The following ADGRL3 variants were observed in gnomAD, a reference collection of about 807,000 sequenced individuals.
ADGRL3 encodes the protein adhesion G protein-coupled receptor L3.
Under a neutral mutation model 153.5 loss-of-function variants are expected in ADGRL3, and 62 were observed. The observed-to-expected ratio is 0.40, with a 90% CI of 0.33 to 0.50. The LOEUF (loss-of-function observed/expected upper bound fraction) is 0.50, where lower values mean the gene tolerates loss of function less well. Among genes scored for constraint, ADGRL3 ranks in the 20% least tolerant of loss-of-function variants. The pLI is 0.47. For missense variants in ADGRL3, 1,641 were observed against 1,859.4 expected, an observed-to-expected ratio of 0.88 and a Z score of 2.16; for synonymous variants, 710 against 672.5, an observed-to-expected ratio of 1.06 and a Z score of -0.86.
chr4:61,601,791 G>A (rs1671467693), intron 5 of ADGRL3, among the ~76,000 whole-genome samples: 1 of 152,088 alleles, frequency 6.6e-6, no homozygotes, highest in Non-Finnish European at 1.5e-5. Context: ...GAGGTTCATG[G>A]AGAAATAAAA....
chr4:61,770,031 A>C (rs1005990705), intron 8 of ADGRL3, among the ~76,000 whole-genome samples: 9 of 152,222 alleles, frequency 5.9e-5, no homozygotes, highest in African/African-American at 2.2e-4. Flanking sequence ...TGACACAAGT[A>C]AACCTAAATA....
At chr4:61,810,121 GA>G (rs2148568413) in intron 8 of ADGRL3, among the ~76,000 whole-genome samples, 1 of 152,110 alleles carries the variant, frequency 6.6e-6, no homozygotes, top group African/African-American at 2.4e-5. Context: ...GCGTTATGGG[GA>G]AAAATGTACA....
chr4:62,068,833 A>C (rs1744385128), intron 26 of ADGRL3, among the ~76,000 whole-genome samples: 1 of 152,194 alleles, frequency 6.6e-6, no homozygotes, highest in African/African-American at 2.4e-5. Context: ...TTACTTGAAT[A>C]CACAGTATGC....
chr4:61,652,997 A>G (rs1047873226), intron 5 of ADGRL3, among the ~76,000 whole-genome samples: 1 of 152,056 alleles, frequency 6.6e-6, no homozygotes, highest in Non-Finnish European at 1.5e-5. Context: ...ATGTTGAAAC[A>G]CTAAACCCCA....
intron 1 of ADGRL3, among the ~76,000 whole-genome samples, chr4:61,363,118 A>G (rs1237362184): frequency 6.6e-6 from 1 of 152,190 alleles, no homozygotes; most frequent in Admixed American, 6.5e-5. Flanking sequence ...CTTTACATTG[A>G]ATAGACTGTG....
At chr4:61,668,978 C>T (rs952563613) in intron 5 of ADGRL3, among the ~76,000 whole-genome samples, 3 of 152,112 alleles carry the variant, frequency 2.0e-5, no homozygotes, top group Admixed American at 2.0e-4. Flanking sequence ...AAGATCATAC[C>T]ACTGCACTCC....
At chr4:61,330,886 C>A (rs1488579533) in intron 1 of ADGRL3, among the ~76,000 whole-genome samples, 1 of 152,146 alleles carries the variant, frequency 6.6e-6, no homozygotes, top group African/African-American at 2.4e-5. Context: ...TTTAGCTAGA[C>A]ACAAAAGTTC....
intron 8 of ADGRL3, among the ~76,000 whole-genome samples, chr4:61,778,462 G>T (rs2097177955): frequency 6.6e-6 from 1 of 152,134 alleles, no homozygotes; most frequent in Non-Finnish European, 1.5e-5. Flanking sequence ...TGCCAACATT[G>T]AATTTGAATA....
chr4:62,019,563 G>A (rs2099228414), intron 21 of ADGRL3, among the ~76,000 whole-genome samples: 1 of 151,728 alleles, frequency 6.6e-6, no homozygotes, highest in South Asian at 2.1e-4. Flanking sequence ...TTTTCTCATT[G>A]ACTTTTTTAA....
At chr4:61,278,876 G>A (rs934037147) in intron 1 of ADGRL3, among the ~76,000 whole-genome samples, 5 of 152,086 alleles carry the variant, frequency 3.3e-5, no homozygotes, top group African/African-American at 1.2e-4. Flanking sequence ...TATACAAAAA[G>A]GAACAGATAG....
chr4:61,519,520 A>T (rs1478039104), intron 4 of ADGRL3, among the ~76,000 whole-genome samples: 1 of 152,134 alleles, frequency 6.6e-6, no homozygotes, highest in Non-Finnish European at 1.5e-5. Flanking sequence ...CTTTTGTGTG[A>T]AAGTAATTTT....
At chr4:61,541,577 T>C (rs1285259906) in intron 4 of ADGRL3, among the ~76,000 whole-genome samples, 1 of 151,844 alleles carries the variant, frequency 6.6e-6, no homozygotes, top group African/African-American at 2.4e-5. Context: ...AACTCCAAAG[T>C]CATTATGACC....
chr4:62,014,305 A>G (rs549989119), intron 21 of ADGRL3, among the ~76,000 whole-genome samples: 1 of 152,258 alleles, frequency 6.6e-6, no homozygotes, highest in Admixed American at 6.5e-5. Flanking sequence ...AATTTCACTT[A>G]AAAGCAGTAG....
intron 5 of ADGRL3, among the ~76,000 whole-genome samples, chr4:61,611,981 A>G (rs1212541457): frequency 6.6e-6 from 1 of 152,156 alleles, no homozygotes; most frequent in African/African-American, 2.4e-5. Flanking sequence ...TTAGTGTTTT[A>G]GAATAAGCCT....
In ADGRL3 at chr4:62,070,254, G is replaced by T. The variant is rs1745152665; in HGVS notation, c.3978G>T (p.Glu1326Asp). The T allele has an allele frequency of 6.2e-7, 1 of 1,609,044 alleles. No homozygotes were observed. The highest frequency in any genetic ancestry group is 1.1e-5 in the South Asian group (1 of 90,628). The change falls in exon 27 of 27, where the codon GAG (glutamate) becomes GAT (aspartate). Residue 1326 changes from glutamate (E) to aspartate (D), a missense_variant. Around this residue, in one of 5 missense-constraint regions of ADGRL3, gnomAD observed 517 missense variants for 555.0 expected, o/e 0.93. Coordinates refer to ENST00000683033, the MANE Select transcript of ADGRL3 (RefSeq NM_001387552.1). ...TAGACCGTGGCTATAACCATAACGA[G>T]ACCGCCCTAGAGAAAAAGATTCTGA... is the stretch of plus-strand genomic sequence containing the variant. Reference protein sequence around the residue: ...QIIDRGYNHNETALEKKILKE... With the variant: ...QIIDRGYNHNDTALEKKILKE...
At chr4:61,324,626 A>C (rs760230463) in intron 1 of ADGRL3, among the ~76,000 whole-genome samples, 11 of 152,194 alleles carry the variant, frequency 7.2e-5, no homozygotes, top group Non-Finnish European at 1.6e-4. Context: ...GAAAATGAAG[A>C]GTAATCTGCC....
intron 5 of ADGRL3, among the ~76,000 whole-genome samples, chr4:61,600,137 T>G (rs2099005078): frequency 6.6e-6 from 1 of 151,644 alleles, no homozygotes; most frequent in South Asian, 2.1e-4. Context: ...ATGAAACCCC[T>G]TCTCTACTAA....
At chr4:62,069,287 T>A (rs1035738908) in intron 26 of ADGRL3, among the ~76,000 whole-genome samples, 3 of 152,078 alleles carry the variant, frequency 2.0e-5, no homozygotes, top group Non-Finnish European at 2.9e-5. Context: ...TGACACAATG[T>A]TTTTAGGCAC....
intron 9 of ADGRL3, among the ~76,000 whole-genome samples, chr4:61,838,366 T>G (rs1295724163): frequency 6.6e-6 from 1 of 152,152 alleles, no homozygotes; most frequent in Non-Finnish European, 1.5e-5. Context: ...CCTAGCTCTA[T>G]AAAAAGGAAA....
Sources: allele counts gnomAD v4.1 joint callset (sites outside exome capture counted in the v4.1 genomes callset), GRCh38; gene constraint gnomAD v4.1.1; regional missense constraint gnomAD v4.1.1; transcripts MANE v1.5; gene names NCBI Gene and HGNC (gene_info 2026-07-23, HGNC 2026-07-21).